Variants in ABHD18 observed in about 807,000 individuals in gnomAD.
ABHD18 encodes the protein cardiolipin-specific deacylase, mitochondrial.
A neutral mutation model predicts 65.9 loss-of-function variants in ABHD18; 55 were observed. That is an observed-to-expected ratio of 0.84 (90% CI 0.67 to 1.05). The LOEUF (loss-of-function observed/expected upper bound fraction) is 1.05, where lower values mean the gene tolerates loss of function less well. ABHD18 is among the 50% of genes least tolerant of loss of function. The pLI, the probability that ABHD18 is intolerant of heterozygous loss-of-function variation, is 0.00. For synonymous variants in ABHD18, 181 were observed against 180.2 expected (o/e 1.00, Z -0.04); for missense variants, 533 against 558.5 (o/e 0.95, Z 0.46).
intron 1 of ABHD18, among the ~76,000 whole-genome samples, chr4:127,977,943 A>C (rs1051746574): frequency 6.6e-6 from 1 of 152,128 alleles, no homozygotes; most frequent in Admixed American, 6.5e-5. Context: ...AAACTGGATT[A>C]ATGAATAAAT....
At chr4:128,013,676 C>T (rs113908280) in intron 7 of ABHD18, among the ~76,000 whole-genome samples, 4 of 150,098 alleles carry the variant, frequency 2.7e-5, no homozygotes, top group African/African-American at 7.4e-5. Flanking sequence ...CCAGCCCGGG[C>T]GACAGAGCGA....
At chr4:128,032,732 A>AAACG (rs1316456186) in intron 12 of ABHD18, among the ~76,000 whole-genome samples, 1 of 152,172 alleles carries the variant, frequency 6.6e-6, no homozygotes, top group Non-Finnish European at 1.5e-5. Flanking sequence ...CTGTCTCAAA[A>AAACG]AATGAATGAA....
chr4:128,016,169 G>T (rs1272600931), intron 7 of ABHD18, among the ~76,000 whole-genome samples: 1 of 151,624 alleles, frequency 6.6e-6, no homozygotes, highest in African/African-American at 2.4e-5. Context: ...GGTCAGGCTG[G>T]TCTCTAACTC....
At chr4:127,988,294 A>G in intron 3 of ABHD18, among the ~76,000 whole-genome samples, 1 of 152,164 alleles carries the variant, frequency 6.6e-6, no homozygotes, top group Non-Finnish European at 1.5e-5. Flanking sequence ...GCAGTGGTGT[A>G]ATCATGGCTC....
Position 127,989,640 on chromosome 4 carries a change from A to G in ABHD18, c.178-81A>G, listed in dbSNP as rs536879937. 5.7e-6 allele frequency: 5 copies of G among 881,698 alleles called. No homozygotes were observed. In the Admixed American group the frequency reaches 1.3e-4, roughly 23 times the overall value. The allele number at this position is 881,698 out of a possible 1,614,324, so 54.6% of individuals were successfully genotyped here. ...GAAAACATGATTTTAATTGGATAGA[A>G]CTTTTTATTAGAAGAACATCCATGA... On this transcript the variant is annotated intron_variant, in intron 3 of 12. Transcript: ENST00000645843.
intron 4 of ABHD18, among the ~76,000 whole-genome samples, chr4:127,994,724 C>G (rs1307803474): frequency 6.6e-6 from 1 of 152,062 alleles, no homozygotes; most frequent in Non-Finnish European, 1.5e-5. Flanking sequence ...TAATATTTAT[C>G]TTCTGGTAAA....
chr4:128,022,265 AAAGAT>A (rs1756628306), intron 10 of ABHD18, among the ~76,000 whole-genome samples: 1 of 152,212 alleles, frequency 6.6e-6, no homozygotes, highest in African/African-American at 2.4e-5. Context: ...AAAAAAGAAA[AAAGAT>A]AACTTGCCTT....
Position 128,035,904 on chromosome 4 carries a change from C to A in ABHD18, c.*91C>A. 1 of 636,110 alleles carries A rather than the reference C, an allele frequency of 1.6e-6. No individual in the cohort carries two copies. 39.4% of individuals were successfully genotyped at this position (636,110 alleles called of 1,614,324 possible). A position where few individuals can be genotyped will look rare whatever the true frequency, so the allele number is the denominator to read the frequency against. On this transcript the variant is annotated 3_prime_UTR_variant, in exon 13 of 13. Coordinates refer to ENST00000645843, the MANE Select transcript of ABHD18 (RefSeq NM_001358451.3). ...TCATGTGAAGGACAAGCAGACAGCA[C>A]TAATATATCTAATCGCTATCAATTT...
intron 9 of ABHD18, among the ~76,000 whole-genome samples, 167 bp downstream of exon 9, chr4:128,020,336 A>G (rs1188994009): frequency 6.6e-6 from 1 of 152,234 alleles, no homozygotes; most frequent in Non-Finnish European, 1.5e-5. Flanking sequence ...AAGATACAAC[A>G]CAGTCAACAG....
Position 128,025,192 on chromosome 4 carries a change from C to CT in ABHD18, c.802-3276dup, listed in dbSNP as rs199523786. Among the ~76,000 whole-genome samples the CT allele has an allele frequency of 7.7e-3, 1,170 of 152,186 alleles. 22 individuals carry two copies. Among genetic ancestry groups the CT allele is most frequent in the African/African-American group, 0.026 (1,087 of 41,540 alleles). On this transcript the variant is annotated intron_variant, in intron 10 of 12. Coordinates refer to ENST00000645843, the MANE Select transcript of ABHD18 (RefSeq NM_001358451.3). ...ATGTGCAAACCAATAAAAATATGAA[C>CT]TTTTTTTATCTTTTTCTTTTTATTT...
At chr4:128,018,159 A>T (rs910298888) in intron 8 of ABHD18, among the ~76,000 whole-genome samples, 1 of 152,126 alleles carries the variant, frequency 6.6e-6, no homozygotes, top group Non-Finnish European at 1.5e-5. Context: ...TTACCTCCAG[A>T]CTATACTTCA....
chr4:128,011,678 TG>T lies in ABHD18; in HGVS notation c.449del (p.Cys150SerfsTer8). 1 of 1,551,810 alleles carries T rather than the reference TG, an allele frequency of 6.4e-7. No homozygotes were observed. The highest frequency in any genetic ancestry group is 8.7e-7 in the Non-Finnish European group (1 of 1,147,390). ...SLLLENPYYG[C>X]RKPKDQVRSS... is the part of the protein sequence containing the mutation. ...TCTTTGACCCACATTCTTAAATGGC[TG>T]CAGGAAACCCAAGGACCAAGTGTAA... On this transcript the variant is annotated frameshift_variant, in exon 7 of 13. Coordinates refer to ENST00000645843, the MANE Select transcript of ABHD18 (RefSeq NM_001358451.3). LOFTEE classifies it high-confidence loss of function.
intron 6 of ABHD18, 136 bp downstream of exon 6, chr4:128,009,327 CA>C (rs1754153163): frequency 4.2e-6 from 2 of 474,336 alleles, no homozygotes; most frequent in African/African-American, 4.0e-5. Flanking sequence ...ACTTAAGGAG[CA>C]AGAATCAAAA....
At chr4:128,014,923 C>G (rs535900289) in intron 7 of ABHD18, among the ~76,000 whole-genome samples, 31 of 152,118 alleles carry the variant, frequency 2.0e-4, no homozygotes, top group African/African-American at 7.0e-4. Flanking sequence ...ACTAAAAATA[C>G]AGAAATTAGC....
chr4:127,968,194 A>G (rs936269470), intron 1 of ABHD18, among the ~76,000 whole-genome samples: 4 of 152,230 alleles, frequency 2.6e-5, no homozygotes, highest in Non-Finnish European at 4.4e-5. Flanking sequence ...TGGGCGACAG[A>G]GCGAGACTCC....
At chr4:128,012,240 G>A (rs935473506) in intron 7 of ABHD18, among the ~76,000 whole-genome samples, 2 of 152,168 alleles carry the variant, frequency 1.3e-5, no homozygotes, top group East Asian at 3.9e-4. Flanking sequence ...GCCTCCCAAA[G>A]TGCTGGGATT....
intron 4 of ABHD18, among the ~76,000 whole-genome samples, chr4:128,007,597 T>C (rs1393492892): frequency 6.6e-6 from 1 of 151,046 alleles, no homozygotes; most frequent in Non-Finnish European, 1.5e-5. Flanking sequence ...AAAAATTAGC[T>C]GGGCTTGGTA....
At position 128,009,167 on chromosome 4, in the gene ABHD18, T is replaced by C; in HGVS notation, c.418T>C (p.Ser140Pro). The C allele has an allele frequency of 2.0e-6, 3 of 1,517,548 alleles. No individual in the cohort carries two copies. The highest frequency in any genetic ancestry group is 2.6e-6 in the Non-Finnish European group (3 of 1,145,958). The allele number at this position is 1,517,548 out of a possible 1,614,324, so 94.0% of individuals were successfully genotyped here. The change falls in exon 6 of 13, where the codon TCT becomes CCT. Residue 140 changes from serine to proline, a missense_variant. Physicochemically the swap from Ser to Pro is moderately conservative, Grantham distance 74. Transcript: ENST00000645843. ...TATGATTAAAGAAGCCCGAATGGCTTCTTTATTGTTAGAAAACCCTTATTA... is the reference window on the plus strand; with the variant it reads ...TATGATTAAAGAAGCCCGAATGGCTCCTTTATTGTTAGAAAACCCTTATTA... ...RPMIKEARMA[S>P]LLLENPYYGC...
At chr4:127,974,731 T>C (rs1026660646) in intron 1 of ABHD18, among the ~76,000 whole-genome samples, 8 of 151,582 alleles carry the variant, frequency 5.3e-5, no homozygotes, top group African/African-American at 1.5e-4. Flanking sequence ...CTCACACTTG[T>C]AATCCCAGCA....
Sources: allele counts gnomAD v4.1 joint callset (sites outside exome capture counted in the v4.1 genomes callset), GRCh38; gene constraint gnomAD v4.1.1; transcripts MANE v1.5; gene names NCBI Gene and HGNC (gene_info 2026-07-23, HGNC 2026-07-21).